Variants in ADK observed in about 807,000 individuals in gnomAD.
The protein encoded by ADK is adenosine kinase, also known as N6,N6-dimethyladenosine kinase.
A neutral mutation model predicts 44.7 loss-of-function variants in ADK; 24 were observed. The ratio of observed to expected loss-of-function variants is 0.54; its 90% CI spans 0.39 to 0.76. The LOEUF is 0.76. Among genes scored for constraint, ADK ranks in the 30% least tolerant of loss-of-function variants. The pLI is 0.00. For synonymous variants in ADK, 128 were observed against 142.6 expected (o/e 0.90, Z 0.73); for missense variants, 321 against 425.1 (o/e 0.76, Z 2.15).
intron 4 of ADK, among the ~76,000 whole-genome samples, chr10:74,333,839 C>T (rs1356849935): frequency 1.3e-5 from 2 of 151,952 alleles, no homozygotes; most frequent in Admixed American, 6.6e-5. Flanking sequence ...TAGTTGGCAA[C>T]TGAAAGTAGA....
intron 4 of ADK, among the ~76,000 whole-genome samples, chr10:74,350,682 G>C (rs1469578161): frequency 6.6e-6 from 1 of 152,054 alleles, no homozygotes; most frequent in African/African-American, 2.4e-5. Context: ...GACTATTAAA[G>C]AAGAAAAGAG....
chr10:74,419,161 A>G (rs539219804), intron 6 of ADK, among the ~76,000 whole-genome samples: 1 of 149,056 alleles, frequency 6.7e-6, no homozygotes, highest in African/African-American at 2.4e-5. Context: ...ATTTAGGAAT[A>G]GAGTCTTGTA....
At chr10:74,332,352 G>A (rs1265237107) in intron 4 of ADK, among the ~76,000 whole-genome samples, 6 of 152,122 alleles carry the variant, frequency 3.9e-5, no homozygotes, top group African/African-American at 1.4e-4. Flanking sequence ...ACATTTCTAT[G>A]TCTAGCCATA....
intron 3 of ADK, among the ~76,000 whole-genome samples, chr10:74,306,231 A>G (rs969104562): frequency 2.6e-5 from 4 of 152,170 alleles, no homozygotes; most frequent in Admixed American, 1.3e-4. Context: ...TCATTTTACT[A>G]TTAAGCCCAT....
chr10:74,567,681 G>GTTTTTTTTTTTTTTTTTT (rs201299444), intron 7 of ADK, among the ~76,000 whole-genome samples: 1 of 129,610 alleles, frequency 7.7e-6, no homozygotes, highest in African/African-American at 3.2e-5. Flanking sequence ...CTCTCTCTCT[G>GTTTTTTTTTTTTTTTTTT]TTTTTTTTGT....
rs376891016 is a variant in ADK at position 74,245,863 on chromosome 10, C to T, written c.194+21272C>T. Among the ~76,000 whole-genome samples, 3 of 152,148 alleles carry T rather than the reference C, an allele frequency of 2.0e-5. No individual in the cohort carries two copies. In the East Asian group the frequency reaches 5.8e-4, roughly 29 times the overall value. On this transcript the variant is annotated intron_variant, in intron 3 of 10. Transcript: ENST00000539909. Reference sequence around the variant, plus strand: ...ACCTCAGCCTCCCAAAGTGGGATTACAGGCATAAGCTACTGCACCTGGTCT... The same window carrying T: ...ACCTCAGCCTCCCAAAGTGGGATTATAGGCATAAGCTACTGCACCTGGTCT...
intron 6 of ADK, among the ~76,000 whole-genome samples, chr10:74,511,575 T>C (rs1158177856): frequency 6.6e-6 from 1 of 152,188 alleles, no homozygotes; most frequent in African/African-American, 2.4e-5. Flanking sequence ...GTAAATGAGG[T>C]TGCCTTTTTG....
At chr10:74,657,016 T>C (rs1854512244) in intron 9 of ADK, among the ~76,000 whole-genome samples, 1 of 151,758 alleles carries the variant, frequency 6.6e-6, no homozygotes, top group Non-Finnish European at 1.5e-5. Context: ...TGTGCTACCA[T>C]ACCTAGCTAG....
chr10:74,553,190 GTTTTTTTTTTTTTTT>G (rs386371837), intron 7 of ADK, among the ~76,000 whole-genome samples: 20 of 60,440 alleles, frequency 3.3e-4, no homozygotes, highest in African/African-American at 9.7e-4. Context: ...AGCACATTGT[GTTTTTTTTTTTTTTT>G]TTTTTTTTTT....
rs1454328204 is a variant in ADK, at chr10:74,525,398, A to G, written c.698A>G (p.Tyr233Cys). The G allele has an allele frequency of 1.2e-6, 2 of 1,613,154 alleles. No individual in the cohort carries two copies. Among genetic ancestry groups the G allele is most frequent in the African/African-American group, 1.3e-5 (1 of 74,912 alleles). Residue 233 changes from tyrosine to cysteine, a missense_variant, in exon 7 of 11, where the codon TAT (tyrosine) becomes TGT (cysteine). By Grantham distance (194) the Tyr-to-Cys change is radical (BLOSUM62 -2). Transcript: ENST00000539909. ...YKESLMKVMP[Y>C]VDILFGNETE... ...GAATCATTGATGAAAGTTATGCCTT[A>G]TGTTGATATACTTTTTGGAAATGAG...
Position 74,373,177 on chromosome 10 carries a change from T to G in ADK, c.274-20964T>G, listed in dbSNP as rs561600155. ...TATGCAAAAATTAACTCAAAATGAATTAAAGACTTAAATGTAAGAACTAAA... is the reference window on the plus strand; with the variant it reads ...TATGCAAAAATTAACTCAAAATGAAGTAAAGACTTAAATGTAAGAACTAAA... On this transcript the variant is annotated intron_variant, in intron 4 of 10. Coordinates refer to ENST00000539909, the MANE Select transcript of ADK (RefSeq NM_006721.4). 2.8e-4 allele frequency among the ~76,000 whole-genome samples: 43 copies of G among 151,390 alleles called. No individual in the cohort carries two copies. In the South Asian group the frequency reaches 8.9e-3, roughly 31 times the overall value.
intron 3 of ADK, among the ~76,000 whole-genome samples, chr10:74,259,397 A>C (rs989722594): frequency 2.2e-4 from 33 of 151,356 alleles, no homozygotes; most frequent in Non-Finnish European, 4.4e-5. Context: ...GGTGGTGACA[A>C]ATTTGCCTTA....
chr10:74,156,666 G>A (rs1841757929), intron 1 of ADK, among the ~76,000 whole-genome samples: 2 of 152,206 alleles, frequency 1.3e-5, no homozygotes, highest in South Asian at 4.1e-4. Context: ...TGGTCAGAAT[G>A]GATCCCAGTA....
intron 6 of ADK, among the ~76,000 whole-genome samples, chr10:74,424,784 C>A (rs181941040): frequency 6.6e-6 from 1 of 152,196 alleles, no homozygotes; most frequent in East Asian, 1.9e-4. Flanking sequence ...GTATCTTCAG[C>A]AGTGTCTCAT....
chr10:74,170,614 C>T (rs1368736981), intron 1 of ADK, among the ~76,000 whole-genome samples: 2 of 151,610 alleles, frequency 1.3e-5, no homozygotes, highest in East Asian at 1.9e-4. Context: ...CTGGCTAACA[C>T]GGTGAAACCC....
chr10:74,595,404 T>G (rs376831313), intron 8 of ADK, among the ~76,000 whole-genome samples: 1 of 103,188 alleles, frequency 9.7e-6, no homozygotes, highest in Non-Finnish European at 1.8e-5. Context: ...GGGAGGGGGT[T>G]TGGCTTTGTC....
chr10:74,478,586 A>G (rs1382216067), intron 6 of ADK, among the ~76,000 whole-genome samples: 1 of 152,138 alleles, frequency 6.6e-6, no homozygotes, highest in Non-Finnish European at 1.5e-5. Flanking sequence ...CTTTGTTAGT[A>G]ACTCTCAGTT....
chr10:74,182,654 G>T (rs1251559541), intron 1 of ADK, among the ~76,000 whole-genome samples: 1 of 152,036 alleles, frequency 6.6e-6, no homozygotes, highest in Non-Finnish European at 1.5e-5. Flanking sequence ...ATGAGCTACC[G>T]TGCCGGCCAG....
intron 6 of ADK, among the ~76,000 whole-genome samples, chr10:74,424,428 G>C (rs1221891097): frequency 6.6e-6 from 1 of 151,066 alleles, no homozygotes; most frequent in East Asian, 2.0e-4. Flanking sequence ...CAGCTACTCA[G>C]GAGGCTGAGG....
Sources: allele counts gnomAD v4.1 joint callset (sites outside exome capture counted in the v4.1 genomes callset), GRCh38; gene constraint gnomAD v4.1.1; transcripts MANE v1.5; gene names NCBI Gene and HGNC (gene_info 2026-07-23, HGNC 2026-07-21).